ZMAT4: variants seen among roughly 807,000 people sequenced by gnomAD.
ZMAT4 encodes the protein zinc finger matrin-type 4.
Under a neutral mutation model 28.7 loss-of-function variants are expected in ZMAT4, and 17 were observed. The observed-to-expected ratio is 0.59, with a 90% confidence interval of 0.41 to 0.89. ZMAT4 has a LOEUF of 0.89. Ranked by LOEUF, ZMAT4 falls within the 40% of genes least tolerant of loss-of-function variation. The pLI, the probability that ZMAT4 is intolerant of heterozygous loss-of-function variation, is 0.00. For missense variants in ZMAT4, 240 were observed against 283.8 expected (o/e 0.85, Z 1.11); for synonymous variants, 117 against 109.2 (o/e 1.07, Z -0.44).
At chr8:40,741,735 G>A (rs897483142) in intron 3 of ZMAT4, among the ~76,000 whole-genome samples, 2 of 152,148 alleles carry the variant, frequency 1.3e-5, no homozygotes, top group African/African-American at 4.8e-5. Flanking sequence ...TTGAATTGTG[G>A]CAATGACAAG....
At chr8:40,633,882 C>G (rs923544881) in intron 5 of ZMAT4, among the ~76,000 whole-genome samples, 2 of 152,150 alleles carry the variant, frequency 1.3e-5, no homozygotes, top group Non-Finnish European at 2.9e-5. Flanking sequence ...AAGCTCTGCC[C>G]GTTTTCGGAA....
chr8:40,789,598 T>G lies in ZMAT4; in HGVS notation c.103-21868A>C, dbSNP rs76886039. Among the ~76,000 whole-genome samples the G allele has an allele frequency of 4.4e-3, 664 of 152,326 alleles. 4 individuals carry two copies. The highest frequency in any genetic ancestry group is 0.015 in the African/African-American group (632 of 41,576). ...GTAACACAAAGAAAAGACAAATTCATGAGGGGATGAAGACCCCATTTACCC... is the reference window on the plus strand; with the variant it reads ...GTAACACAAAGAAAAGACAAATTCAGGAGGGGATGAAGACCCCATTTACCC... On this transcript the variant is annotated intron_variant, in intron 2 of 6. Transcript: ENST00000297737.
At chr8:40,604,186 C>T (rs994933738) in intron 5 of ZMAT4, among the ~76,000 whole-genome samples, 1 of 152,146 alleles carries the variant, frequency 6.6e-6, no homozygotes, top group Non-Finnish European at 1.5e-5. Flanking sequence ...TTGACTTCCT[C>T]TTTACTAATT....
chr8:40,757,605 A>T (rs1450554843), intron 3 of ZMAT4, among the ~76,000 whole-genome samples: 3 of 152,070 alleles, frequency 2.0e-5, no homozygotes, highest in African/African-American at 7.2e-5. Context: ...AAAAGAAAAA[A>T]GAAAAGGTAA....
At chr8:40,809,227 T>C (rs982057338) in intron 2 of ZMAT4, among the ~76,000 whole-genome samples, 1 of 152,178 alleles carries the variant, frequency 6.6e-6, no homozygotes, top group Admixed American at 6.6e-5. Context: ...CTTCATGTTT[T>C]CACTTATAAG....
intron 2 of ZMAT4, among the ~76,000 whole-genome samples, chr8:40,803,177 G>A (rs566017548): frequency 6.6e-6 from 1 of 152,240 alleles, no homozygotes; most frequent in South Asian, 2.1e-4. Flanking sequence ...TAATTTTTTA[G>A]TTGCAACACT....
At position 40,798,962 on chromosome 8, in the gene ZMAT4, C is replaced by T. The variant is rs1167816191; in HGVS notation, c.102+26613G>A. Reference sequence around the variant, plus strand: ...GGGACATATTCCCAGCTGGCCTTACCTTTAGCATCCTGCCTAGCTTCTCTC... The same window carrying T: ...GGGACATATTCCCAGCTGGCCTTACTTTTAGCATCCTGCCTAGCTTCTCTC... On this transcript the variant is annotated intron_variant, in intron 2 of 6. Coordinates refer to ENST00000297737, the MANE Select transcript of ZMAT4 (RefSeq NM_024645.3). Among the ~76,000 whole-genome samples, 4 of 152,192 alleles carry T rather than the reference C, an allele frequency of 2.6e-5. No homozygotes were observed. The South Asian group carries it at 6.2e-4, about 24-fold the overall frequency.
At chr8:40,550,164 C>A (rs932621112) in intron 6 of ZMAT4, among the ~76,000 whole-genome samples, 1 of 152,088 alleles carries the variant, frequency 6.6e-6, no homozygotes, top group Non-Finnish European at 1.5e-5. Flanking sequence ...ACCATGAATG[C>A]AGCAGGGATT....
chr8:40,620,594 C>T (rs942426416), intron 5 of ZMAT4, among the ~76,000 whole-genome samples: 4 of 152,292 alleles, frequency 2.6e-5, no homozygotes, highest in African/African-American at 4.8e-5. Context: ...TGTAAAAATT[C>T]GTCATATGTT....
intron 1 of ZMAT4, among the ~76,000 whole-genome samples, chr8:40,875,651 G>C (rs189837652): frequency 3.3e-5 from 5 of 152,058 alleles, no homozygotes; most frequent in South Asian, 2.1e-4. Context: ...CAGAGTCAGC[G>C]CTTCAGCCCC....
intron 3 of ZMAT4, among the ~76,000 whole-genome samples, chr8:40,714,770 T>G (rs4382461): frequency 0.6 from 91,553 of 152,014 alleles, 28,195 homozygotes; most frequent in African/African-American, 0.73. Context: ...TGTGAAATAG[T>G]CCGGGGGCAG....
chr8:40,810,750 G>T (rs1815282781), intron 2 of ZMAT4, among the ~76,000 whole-genome samples: 2 of 152,112 alleles, frequency 1.3e-5, no homozygotes, highest in South Asian at 4.1e-4. Flanking sequence ...GGCACCATGA[G>T]CAGATATAAC....
chr8:40,697,050 G>C, intron 4 of ZMAT4, 195 bp downstream of exon 4: 1 of 510,030 alleles, frequency 2.0e-6, no homozygotes, highest in Non-Finnish European at 3.4e-6. Context: ...GATAGAATGA[G>C]CACCTGAAAT....
At chr8:40,563,399 G>GT (rs1279127529) in intron 6 of ZMAT4, among the ~76,000 whole-genome samples, 4 of 152,142 alleles carry the variant, frequency 2.6e-5, no homozygotes, top group African/African-American at 9.7e-5. Context: ...CTGTTTGCTG[G>GT]TGCTATATCC....
In ZMAT4 at chr8:40,872,781, G is replaced by A. The variant is rs986628027; in HGVS notation, c.-5+24902C>T. 3.9e-5 allele frequency among the ~76,000 whole-genome samples: 6 copies of A among 152,268 alleles called. 1 individual carries two copies. Among genetic ancestry groups the A allele is most frequent in the Admixed American group, 3.3e-4 (5 of 15,302 alleles). Reference sequence around the variant, plus strand: ...CGGGGGGATGGTTGATGCCAATTGGGGTAGGGGGTGGAGGGGCCCAAAGGA... The same window carrying A: ...CGGGGGGATGGTTGATGCCAATTGGAGTAGGGGGTGGAGGGGCCCAAAGGA... On this transcript the variant is annotated intron_variant, in intron 1 of 6. Coordinates refer to ENST00000297737, the MANE Select transcript of ZMAT4 (RefSeq NM_024645.3).
chr8:40,551,835 G>C (rs1803377486), intron 6 of ZMAT4, among the ~76,000 whole-genome samples: 1 of 152,168 alleles, frequency 6.6e-6, no homozygotes, highest in Non-Finnish European at 1.5e-5. Flanking sequence ...GCATGATAAA[G>C]TTTGAAAACT....
chr8:40,693,331 G>T (rs1809737104), intron 4 of ZMAT4, among the ~76,000 whole-genome samples: 2 of 152,012 alleles, frequency 1.3e-5, no homozygotes, highest in African/African-American at 4.8e-5. Flanking sequence ...GCCCAGGCTG[G>T]TATCAAATTC....
Position 40,711,080 on chromosome 8 carries a change from G to A in ZMAT4, c.193-13679C>T, listed in dbSNP as rs570167315. Among the ~76,000 whole-genome samples, 5 of 152,124 alleles carry A rather than the reference G, an allele frequency of 3.3e-5. No individual in the cohort carries two copies. In the East Asian group the frequency reaches 9.7e-4, roughly 29 times the overall value. Reference sequence around the variant, plus strand: ...ATTACAGGCATGAGCCACCGTGTGCGGCCAAGATTTTTCAAATAGCTCCAA... The same window carrying A: ...ATTACAGGCATGAGCCACCGTGTGCAGCCAAGATTTTTCAAATAGCTCCAA... On this transcript the variant is annotated intron_variant, in intron 3 of 6. Coordinates refer to ENST00000297737, the MANE Select transcript of ZMAT4 (RefSeq NM_024645.3).
At chr8:40,791,376 G>A (rs1814317013) in intron 2 of ZMAT4, among the ~76,000 whole-genome samples, 1 of 152,114 alleles carries the variant, frequency 6.6e-6, no homozygotes, top group Non-Finnish European at 1.5e-5. Context: ...CAAAGCAGAG[G>A]GTTATAGTTT....
Sources: allele counts gnomAD v4.1 joint callset (sites outside exome capture counted in the v4.1 genomes callset), GRCh38; gene constraint gnomAD v4.1.1; transcripts MANE v1.5; gene names NCBI Gene and HGNC (gene_info 2026-07-23, HGNC 2026-07-21).